EXT1: variants seen among roughly 807,000 people sequenced by gnomAD.
EXT1 encodes exostosin-1.
In EXT1, 20 loss-of-function variants were observed where a neutral mutation model predicts 82.5. That is an observed-to-expected ratio of 0.24 (90% confidence interval 0.17 to 0.35). EXT1 has a LOEUF of 0.35. EXT1 is among the 10% of genes least tolerant of loss of function. The pLI is 1.00. For synonymous variants in EXT1, 348 were observed against 350.8 expected, an observed-to-expected ratio of 0.99 and a Z score of 0.09; for missense variants, 757 against 936.5, an observed-to-expected ratio of 0.81 and a Z score of 2.50.
At chr8:118,006,205 A>G (rs975000334) in intron 1 of EXT1, among the ~76,000 whole-genome samples, 1 of 152,218 alleles carries the variant, frequency 6.6e-6, no homozygotes, top group African/African-American at 2.4e-5. Flanking sequence ...TGAGTCTACT[A>G]TAACTTATTC....
intron 1 of EXT1, among the ~76,000 whole-genome samples, chr8:117,886,692 C>A (rs1247937230): frequency 1.3e-5 from 2 of 152,298 alleles, no homozygotes; most frequent in East Asian, 3.9e-4. Context: ...CCTGCAGAAA[C>A]TCCTAGATCT....
At chr8:118,060,986 T>A (rs369665504) in intron 1 of EXT1, among the ~76,000 whole-genome samples, 32 of 152,264 alleles carry the variant, frequency 2.1e-4, no homozygotes, top group East Asian at 1.2e-3. Context: ...TGTTCTCAAG[T>A]GAAAGGGATT....
intron 1 of EXT1, among the ~76,000 whole-genome samples, chr8:118,095,564 A>C (rs1817595697): frequency 6.6e-6 from 1 of 152,232 alleles, no homozygotes; most frequent in Non-Finnish European, 1.5e-5. Context: ...GTAGCATATA[A>C]GAAATGGTGT....
At chr8:117,865,327 C>T (rs1812759641) in intron 1 of EXT1, among the ~76,000 whole-genome samples, 1 of 152,152 alleles carries the variant, frequency 6.6e-6, no homozygotes. Context: ...ACCACCAAAT[C>T]TGCCTAATTT....
chr8:117,905,285 A>G (rs1813522346), intron 1 of EXT1, among the ~76,000 whole-genome samples: 1 of 152,142 alleles, frequency 6.6e-6, no homozygotes, highest in African/African-American at 2.4e-5. Flanking sequence ...GTAAAGAGTA[A>G]CTTCCTTCAA....
chr8:117,844,539 C>T (rs1163011808), intron 1 of EXT1, among the ~76,000 whole-genome samples: 2 of 152,102 alleles, frequency 1.3e-5, no homozygotes, highest in Non-Finnish European at 2.9e-5. Context: ...AACTGAGAAA[C>T]ATATATAAGT....
chr8:117,985,107 C>T (rs149931251), intron 1 of EXT1, among the ~76,000 whole-genome samples: 2 of 152,200 alleles, frequency 1.3e-5, no homozygotes, highest in East Asian at 3.9e-4. Context: ...AACTCTGTGG[C>T]GACTCTTTGA....
chr8:117,814,879 G>A (rs1013507617), intron 7 of EXT1, among the ~76,000 whole-genome samples: 2 of 152,054 alleles, frequency 1.3e-5, no homozygotes, highest in African/African-American at 2.4e-5. Context: ...TCTCAAACTC[G>A]GTTTCTTTGC....
intron 1 of EXT1, among the ~76,000 whole-genome samples, chr8:118,002,929 A>G (rs193296766): frequency 2.6e-5 from 4 of 152,232 alleles, no homozygotes; most frequent in Non-Finnish European, 5.9e-5. Context: ...ATATTTGCAC[A>G]CACATTTATA....
intron 1 of EXT1, among the ~76,000 whole-genome samples, chr8:117,921,019 C>A (rs1358544142): frequency 1.3e-5 from 2 of 152,194 alleles, no homozygotes; most frequent in Non-Finnish European, 2.9e-5. Context: ...GTAAAATACA[C>A]CATCACAGGT....
At chr8:118,080,753 T>G (rs1027106267) in intron 1 of EXT1, among the ~76,000 whole-genome samples, 13 of 152,172 alleles carry the variant, frequency 8.5e-5, no homozygotes. Context: ...GCATACCTCA[T>G]CTATTATAAT....
intron 1 of EXT1, among the ~76,000 whole-genome samples, chr8:117,930,112 A>T (rs1415446342): frequency 1.3e-5 from 2 of 152,114 alleles, no homozygotes; most frequent in Non-Finnish European, 2.9e-5. Flanking sequence ...TCAAAAAAAA[A>T]AAAATAAAGA....
intron 1 of EXT1, among the ~76,000 whole-genome samples, chr8:118,012,926 C>T (rs1396290400): frequency 1.3e-5 from 2 of 152,134 alleles, no homozygotes; most frequent in East Asian, 1.9e-4. Context: ...TTCTTTCTAT[C>T]GTTAGTAAGG....
chr8:117,998,434 C>T (rs17431201), intron 1 of EXT1, among the ~76,000 whole-genome samples: 170 of 152,234 alleles, frequency 1.1e-3, no homozygotes, highest in Non-Finnish European at 8.7e-4. Context: ...CTCAGGCTCC[C>T]GAGTACACTA....
chr8:117,909,141 AG>A (rs1352212372), intron 1 of EXT1, among the ~76,000 whole-genome samples: 1 of 150,668 alleles, frequency 6.6e-6, no homozygotes, highest in Admixed American at 6.6e-5. Context: ...CAAAAAAAAA[AG>A]AGAAAAGCTG....
At chr8:117,895,422 G>T (rs1200805952) in intron 1 of EXT1, among the ~76,000 whole-genome samples, 1 of 152,112 alleles carries the variant, frequency 6.6e-6, no homozygotes, top group Non-Finnish European at 1.5e-5. Flanking sequence ...GACAGGCATG[G>T]TCAATGCAAT....
intron 1 of EXT1, among the ~76,000 whole-genome samples, chr8:118,096,727 A>G (rs2130012102): frequency 6.6e-6 from 1 of 152,080 alleles, no homozygotes; most frequent in Non-Finnish European, 1.5e-5. Flanking sequence ...AAAGGAAGGA[A>G]GAAAGGATAC....
chr8:118,107,250 C>T (rs1448231148), intron 1 of EXT1, among the ~76,000 whole-genome samples: 2 of 152,118 alleles, frequency 1.3e-5, no homozygotes, highest in East Asian at 1.9e-4. Context: ...AGGAAACTTA[C>T]AGGTGATTGC....
chr8:118,090,967 C>G (rs2514738), intron 1 of EXT1, among the ~76,000 whole-genome samples: 115,169 of 151,586 alleles, frequency 0.76, 46,546 homozygotes, highest in Non-Finnish European at 0.91. Context: ...AGACAGTTAG[C>G]AAGGAGGCTC....
Sources: allele counts gnomAD v4.1 joint callset (sites outside exome capture counted in the v4.1 genomes callset), GRCh38; gene constraint gnomAD v4.1.1; transcripts MANE v1.5; gene names NCBI Gene and HGNC (gene_info 2026-07-23, HGNC 2026-07-21).